Variants in FBN2 observed in about 807,000 individuals in gnomAD.
FBN2 encodes the protein fibrillin 2, also known as fibrillin-2.
Under a neutral mutation model 355.6 loss-of-function variants are expected in FBN2, and 105 were observed. The ratio of observed to expected loss-of-function variants is 0.30; its 90% CI spans 0.25 to 0.35. FBN2 has a LOEUF of 0.35. FBN2 is among the 10% of genes least tolerant of loss of function. The pLI is 1.00. For missense variants in FBN2, 3,280 were observed against 3,758.7 expected (o/e 0.87, Z 3.33); for synonymous variants, 1,350 against 1,301.2 (o/e 1.04, Z -0.81).
rs773934038 is a variant in FBN2, at chr5:128,312,637, T to G, written c.4876A>C (p.Ser1626Arg). The G allele has an allele frequency of 2.5e-6, 4 of 1,614,116 alleles. No individual in the cohort carries two copies. Among genetic ancestry groups the G allele is most frequent in the Non-Finnish European group, 2.5e-6 (3 of 1,180,010 alleles). ...NPCETCPPVN[S>R]TEYYTLCPGG... ...TCTTCTTCAGCTTTGTACTTACTGC[T>G]ATTGACAGGGGGGCATGTCTCACAG... The change falls in exon 37 of 65, where the codon AGC (serine) becomes CGC (arginine). Residue 1626 changes from serine (S) to arginine (R), a missense_variant. This residue lies in a region of FBN2 where 2,284 missense variants were observed against 2,749.5 expected (regional missense o/e 0.83). Coordinates refer to ENST00000262464, the MANE Select transcript of FBN2 (RefSeq NM_001999.4).
At chr5:128,277,414 G>A (rs1765422422) in intron 58 of FBN2, among the ~76,000 whole-genome samples, 1 of 152,170 alleles carries the variant, frequency 6.6e-6, no homozygotes, top group South Asian at 2.1e-4. Context: ...TATACTTTAT[G>A]CAAAATAATA....
rs181188761 is a variant in FBN2 at position 128,428,042 on chromosome 5, C to G, written c.952+18439G>C. On this transcript the variant is annotated intron_variant, in intron 7 of 64. Coordinates refer to ENST00000262464, the MANE Select transcript of FBN2 (RefSeq NM_001999.4). ...ACTCAATTCTTTTCCTTTCCTACCCCACAACTGATCTGTCAACAAATTCTT... is the reference window on the plus strand; with the variant it reads ...ACTCAATTCTTTTCCTTTCCTACCCGACAACTGATCTGTCAACAAATTCTT... Among the ~76,000 whole-genome samples the G allele has an allele frequency of 5.3e-5, 8 of 152,278 alleles. No homozygotes were observed. In the East Asian group the frequency reaches 1.5e-3, roughly 29 times the overall value.
At chr5:128,310,398 ATATATTTT>A (rs1407454228) in intron 39 of FBN2, among the ~76,000 whole-genome samples, 52 of 11,170 alleles carry the variant, frequency 4.7e-3, no homozygotes, top group African/African-American at 7.9e-3. Flanking sequence ...ATATATATAT[ATATATTTT>A]TTTTTTTTTT....
chr5:128,510,179 T>G (rs1756075952), intron 5 of FBN2, among the ~76,000 whole-genome samples: 1 of 152,160 alleles, frequency 6.6e-6, no homozygotes. Flanking sequence ...ATCTTTTGAT[T>G]TCCCTGGGCC....
rs114240442 is a variant in FBN2 at position 128,406,952 on chromosome 5, C to T, written c.1078+1722G>A. Among the ~76,000 whole-genome samples the T allele has an allele frequency of 5.3e-3, 800 of 152,234 alleles. 3 individuals carry two copies. The highest frequency in any genetic ancestry group is 8.3e-3 in the Non-Finnish European group (567 of 68,010). On this transcript the variant is annotated intron_variant, in intron 8 of 64. Transcript: ENST00000262464. ...TCAGTTATACAGACTTAATATTTCA[C>T]GAAAAATGATTTACCTAATGCAAGA...
chr5:128,530,875 G>C (rs1756682580), intron 2 of FBN2, among the ~76,000 whole-genome samples, 182 bp from the exon 3 acceptor site: 1 of 152,026 alleles, frequency 6.6e-6, no homozygotes, highest in Admixed American at 6.6e-5. Context: ...AAGTCTCACA[G>C]GTATCCTTAT....
intron 8 of FBN2, among the ~76,000 whole-genome samples, chr5:128,404,099 T>C (rs1752868030): frequency 6.6e-6 from 1 of 152,244 alleles, no homozygotes; most frequent in African/African-American, 2.4e-5. Flanking sequence ...TTTAAGTTCA[T>C]CCAACTCTTT....
intron 63 of FBN2, among the ~76,000 whole-genome samples, chr5:128,262,162 T>C (rs2126794197): frequency 6.6e-6 from 1 of 152,336 alleles, no homozygotes; most frequent in South Asian, 2.1e-4. Context: ...GAGCTCCTCA[T>C]GCCTCAGCCT....
chr5:128,335,470 C>A lies in FBN2; in HGVS notation c.3832G>T (p.Gly1278Trp). Reference sequence around the variant, plus strand: ...CTTTCTATACCTGCACACGATCTCCCATCTGGCATCAGGGCATAACCCTCA... The same window carrying A: ...CTTTCTATACCTGCACACGATCTCCAATCTGGCATCAGGGCATAACCCTCA... ...CSEGYALMPD[G>W]RSCADIDECE... Residue 1278 changes from glycine to tryptophan, a missense_variant, in exon 29 of 65, where the codon GGG becomes TGG. Gly to Trp is a radical substitution (Grantham distance 184). Coordinates refer to ENST00000262464, the MANE Select transcript of FBN2 (RefSeq NM_001999.4). 2 of 1,614,216 alleles carry A rather than the reference C, an allele frequency of 1.2e-6. No homozygotes were observed. Among genetic ancestry groups the A allele is most frequent in the South Asian group, 1.1e-5 (1 of 91,090 alleles).
At chr5:128,523,523 G>A (rs1232134338) in intron 4 of FBN2, among the ~76,000 whole-genome samples, 5 of 151,740 alleles carry the variant, frequency 3.3e-5, no homozygotes, top group African/African-American at 1.2e-4. Flanking sequence ...ATAATAATTC[G>A]GTCTATACGG....
intron 5 of FBN2, among the ~76,000 whole-genome samples, chr5:128,508,313 T>C (rs763774857): frequency 2.6e-5 from 4 of 152,018 alleles, no homozygotes; most frequent in Non-Finnish European, 4.4e-5. Context: ...CTATTTGTTT[T>C]CTAACTATCC....
intron 31 of FBN2, 62 bp from the exon 32 acceptor site, chr5:128,333,096 G>C: frequency 7.3e-7 from 1 of 1,365,012 alleles, no homozygotes; most frequent in Non-Finnish European, 1.0e-6. Context: ...CTACTTCCAA[G>C]TATATTTTTG....
intron 7 of FBN2, among the ~76,000 whole-genome samples, chr5:128,428,897 C>T (rs1753548642): frequency 6.6e-6 from 1 of 152,134 alleles, no homozygotes; most frequent in African/African-American, 2.4e-5. Flanking sequence ...GGTCTCTCAC[C>T]TCTCACGGAT....
chr5:128,442,956 G>A (rs1183684175), intron 7 of FBN2, among the ~76,000 whole-genome samples: 1 of 152,192 alleles, frequency 6.6e-6, no homozygotes, highest in East Asian at 1.9e-4. Flanking sequence ...TAAGTTAGGA[G>A]ATGAATGCTG....
intron 20 of FBN2, among the ~76,000 whole-genome samples, chr5:128,354,875 A>G (rs1437417944): frequency 6.6e-6 from 1 of 152,226 alleles, no homozygotes; most frequent in Non-Finnish European, 1.5e-5. Context: ...GACACTGTAC[A>G]GACAGTTGGA....
chr5:128,312,930 C>A (rs757403173), intron 36 of FBN2, 135 bp from the exon 37 acceptor site: 1 of 957,624 alleles, frequency 1.0e-6, no homozygotes, highest in Non-Finnish European at 1.7e-6. Flanking sequence ...CCTTAAGTAC[C>A]AAGCAATCTC....
intron 23 of FBN2, 114 bp from the exon 24 acceptor site, chr5:128,345,698 G>A: frequency 1.1e-6 from 1 of 933,524 alleles, no homozygotes; most frequent in Non-Finnish European, 1.7e-6. Flanking sequence ...CGGTGTACTG[G>A]TGGGCAAGAT....
chr5:128,456,054 C>G (rs900387417), intron 6 of FBN2, among the ~76,000 whole-genome samples: 1 of 136,420 alleles, frequency 7.3e-6, no homozygotes, highest in African/African-American at 2.8e-5. Flanking sequence ...GCTCTCTGGG[C>G]ACGGGGAAGG....
At chr5:128,261,459 C>T (rs749243887) in intron 64 of FBN2, among the ~76,000 whole-genome samples, 5 of 152,068 alleles carry the variant, frequency 3.3e-5, no homozygotes, top group Admixed American at 6.5e-5. Context: ...TAGCTCTTCC[C>T]GAGATGGACA....
Sources: allele counts gnomAD v4.1 joint callset (sites outside exome capture counted in the v4.1 genomes callset), GRCh38; gene constraint gnomAD v4.1.1; regional missense constraint gnomAD v4.1.1; transcripts MANE v1.5; gene names NCBI Gene and HGNC (gene_info 2026-07-23, HGNC 2026-07-21).